Variants in PDLIM4 observed in about 807,000 individuals in gnomAD.
PDLIM4 encodes the protein PDZ and LIM domain protein 4.
In PDLIM4, 19 loss-of-function variants were observed where a neutral mutation model predicts 31.3. The observed-to-expected ratio is 0.61, with a 90% CI of 0.42 to 0.89. The LOEUF is 0.89. Among genes scored for constraint, PDLIM4 ranks in the 40% least tolerant of loss-of-function variants. The pLI is 0.00. For synonymous variants in PDLIM4, 176 were observed against 190.1 expected, an observed-to-expected ratio of 0.93 and a Z score of 0.61; for missense variants, 442 against 461.1, an observed-to-expected ratio of 0.96 and a Z score of 0.38.
At position 132,273,348 on chromosome 5, in the gene PDLIM4, A is replaced by G. The variant is rs1331754006; in HGVS notation, c.*1119A>G. The stretch of plus-strand genomic sequence containing the variant: ...AAACTGTTATCAATTCACATTCATC[A>G]TCAGCACGAGACCCATTTCCTTGTG... On this transcript the variant is annotated 3_prime_UTR_variant, in exon 7 of 7. Transcript: ENST00000253754. 7.1e-6 allele frequency: 1 copy of G among 140,756 alleles called. No individual in the cohort carries two copies. The highest frequency in any genetic ancestry group is 1.5e-5 in the Non-Finnish European group (1 of 67,306). The allele number at this position is 140,756 out of a possible 1,614,324, so 8.7% of individuals were successfully genotyped here.
intron 2 of PDLIM4, among the ~76,000 whole-genome samples, chr5:132,265,605 G>A (rs1286530474): frequency 6.6e-6 from 1 of 152,182 alleles, no homozygotes; most frequent in African/African-American, 2.4e-5. Flanking sequence ...ACTGAAGGGG[G>A]CAGAAGAGGC....
intron 1 of PDLIM4, 132 bp from the exon 2 acceptor site, chr5:132,262,477 C>G (rs1024308208): frequency 5.5e-5 from 43 of 780,954 alleles, no homozygotes; most frequent in Non-Finnish European, 8.1e-5. Flanking sequence ...AGCCACTCGG[C>G]TTGCCCATCC....
chr5:132,259,710 G>A (rs986238026), intron 1 of PDLIM4, among the ~76,000 whole-genome samples: 9 of 152,160 alleles, frequency 5.9e-5, no homozygotes, highest in Non-Finnish European at 8.8e-5. Context: ...CCTCCCCTAC[G>A]CGGGACCTGG....
Position 132,272,458 on chromosome 5 carries a change from T to G in PDLIM4, c.*229T>G. On this transcript the variant is annotated 3_prime_UTR_variant, in exon 7 of 7. Transcript: ENST00000253754. Reference sequence around the variant, plus strand: ...GTAGTGAGCAGGACGGGTACCATGCTGCCCTGAAGGGGGCCACAGCCTGGG... The same window carrying G: ...GTAGTGAGCAGGACGGGTACCATGCGGCCCTGAAGGGGGCCACAGCCTGGG... 1.8e-6 allele frequency: 1 copy of G among 569,828 alleles called. No homozygotes were observed. Among genetic ancestry groups the G allele is most frequent in the East Asian group, 3.0e-5 (1 of 33,796 alleles). 35.3% of individuals were successfully genotyped at this position (569,828 alleles called of 1,614,324 possible).
chr5:132,259,670 C>T (rs2126669848), intron 1 of PDLIM4, among the ~76,000 whole-genome samples: 1 of 152,294 alleles, frequency 6.6e-6, no homozygotes, highest in Non-Finnish European at 1.5e-5. Context: ...CAGTGGGGCT[C>T]AAGATCCAGC....
intron 5 of PDLIM4, 35 bp from the exon 6 acceptor site, chr5:132,271,756 C>T (rs765953226): frequency 7.1e-7 from 1 of 1,402,654 alleles, no homozygotes; most frequent in South Asian, 1.1e-5. Flanking sequence ...CTGACCTCCT[C>T]ACCCCGTTCA....
rs532667390 is a variant in PDLIM4 at position 132,262,298 on chromosome 5, G to A, written c.94-311G>A. 4.6e-5 allele frequency among the ~76,000 whole-genome samples: 7 copies of A among 152,302 alleles called. No individual in the cohort carries two copies. The South Asian group carries it at 1.2e-3, about 27-fold the overall frequency. ...CACCTATGTCTCCATGTGTCTCTGTGTCCCCTGCATGTCCTTGGGCACATA... is the reference window on the plus strand; with the variant it reads ...CACCTATGTCTCCATGTGTCTCTGTATCCCCTGCATGTCCTTGGGCACATA... On this transcript the variant is annotated intron_variant, in intron 1 of 6. Coordinates refer to ENST00000253754, the MANE Select transcript of PDLIM4 (RefSeq NM_003687.4).
At chr5:132,267,667 G>A (rs1756520298) in intron 3 of PDLIM4, among the ~76,000 whole-genome samples, 1 of 152,204 alleles carries the variant, frequency 6.6e-6, no homozygotes, top group Non-Finnish European at 1.5e-5. Flanking sequence ...CCAGAGGTGA[G>A]GTCTTGCACC....
chr5:132,271,920 C>T lies in PDLIM4; in HGVS notation c.788+12C>T. 1 of 1,595,140 alleles carries T rather than the reference C, an allele frequency of 6.3e-7. No homozygotes were observed. Among genetic ancestry groups the T allele is most frequent in the Non-Finnish European group, 8.6e-7 (1 of 1,165,150 alleles). On this transcript the variant is annotated intron_variant, in intron 6 of 6. Coordinates refer to ENST00000253754, the MANE Select transcript of PDLIM4 (RefSeq NM_003687.4). ...GGCCACGGCATCGTGTGAGTAACCG[C>T]CCCCGCTGCCCCTCCCGGACCCTAG... is the stretch of plus-strand genomic sequence containing the variant.
intron 3 of PDLIM4, chr5:132,270,376 G>A (rs1353260976): frequency 6.5e-6 from 1 of 153,706 alleles, no homozygotes; most frequent in Non-Finnish European, 1.4e-5. Flanking sequence ...GCACTCTTGA[G>A]CCTCAGCCTG....
intron 2 of PDLIM4, among the ~76,000 whole-genome samples, chr5:132,263,699 T>C (rs1756426822): frequency 6.6e-6 from 1 of 152,210 alleles, no homozygotes; most frequent in Admixed American, 6.5e-5. Context: ...CCTGTGGAAG[T>C]ACGTGGGCAA....
In PDLIM4 at chr5:132,271,776, C is replaced by T. The variant is rs1446011940; in HGVS notation, c.671-15C>T. 2.6e-6 allele frequency: 4 copies of T among 1,560,120 alleles called. No homozygotes were observed. The highest frequency in any genetic ancestry group is 2.2e-5 in the East Asian group (1 of 44,592). On this transcript the variant is annotated splice_polypyrimidine_tract_variant and intron_variant, in intron 5 of 6. Transcript: ENST00000253754. ...CTCCTCACCCCGTTCATGCCACCTA[C>T]GCTCCGGGTTTCAGGGGATTGGCCC... is the stretch of plus-strand genomic sequence containing the variant.
rs751664249 is a variant in PDLIM4, at chr5:132,271,321, C to A, written c.525C>A (p.Gly175=). ...SPPPSADPAR[G]LPRSRDCRVD... The stretch of plus-strand genomic sequence containing the variant: ...CTCCCAGCGCTGACCCAGCCAGAGG[C>A]CTCCCGCGGAGCCGGGACTGCAGAG... The change falls in exon 5 of 7, where the codon GGC becomes GGA. Residue 175 remains glycine, a synonymous_variant. Transcript: ENST00000253754. The A allele has an allele frequency of 1.9e-6, 3 of 1,596,536 alleles. No homozygotes were observed. Among genetic ancestry groups the A allele is most frequent in the Non-Finnish European group, 2.6e-6 (3 of 1,172,912 alleles).
At chr5:132,259,726 A>C (rs1756332899) in intron 1 of PDLIM4, among the ~76,000 whole-genome samples, 1 of 152,066 alleles carries the variant, frequency 6.6e-6, no homozygotes, top group African/African-American at 2.4e-5. Flanking sequence ...CCTGGTAGGG[A>C]GGGACAGCCT....
chr5:132,259,587 A>G (rs140407000), intron 1 of PDLIM4, among the ~76,000 whole-genome samples: 24 of 152,314 alleles, frequency 1.6e-4, no homozygotes, highest in African/African-American at 5.8e-4. Context: ...GGGGAGGCAC[A>G]GGCCACAGCT....
rs930143541 is a variant in PDLIM4, at chr5:132,272,248, C to G, written c.*19C>G. 8.1e-6 allele frequency: 13 copies of G among 1,597,078 alleles called. No individual in the cohort carries two copies. Among genetic ancestry groups the G allele is most frequent in the Non-Finnish European group, 1.1e-5 (13 of 1,164,834 alleles). ...CGTCTGAGCTGGGACCCTGCTCCCA[C>G]GCCTGCTTCTTAAGGTCCCTGCTCG... On this transcript the variant is annotated 3_prime_UTR_variant, in exon 7 of 7. Coordinates refer to ENST00000253754, the MANE Select transcript of PDLIM4 (RefSeq NM_003687.4).
chr5:132,271,537 C>T (rs1756615792), intron 5 of PDLIM4, 71 bp downstream of exon 5: 3 of 1,491,212 alleles, frequency 2.0e-6, no homozygotes, highest in Admixed American at 1.7e-5. Flanking sequence ...CCCTAGCGAC[C>T]CCACGTCCCG....
chr5:132,271,600 C>A (rs776819109), intron 5 of PDLIM4, 134 bp downstream of exon 5: 2 of 1,071,110 alleles, frequency 1.9e-6, no homozygotes, highest in Non-Finnish European at 2.8e-6. Context: ...CACGCCCTTG[C>A]TACAACCTTG....
chr5:132,267,483 G>A (rs1465676848), intron 3 of PDLIM4, among the ~76,000 whole-genome samples: 1 of 152,210 alleles, frequency 6.6e-6, no homozygotes, highest in African/African-American at 2.4e-5. Flanking sequence ...GCAGGGGAAA[G>A]GCACTTAGAA....
Sources: gnomAD v4.1 joint callset for allele counts (sites outside exome capture counted in the v4.1 genomes callset) on GRCh38, gnomAD v4.1.1 for gene constraint, MANE v1.5 for transcripts, NCBI Gene and HGNC (gene_info 2026-07-23, HGNC 2026-07-21) for gene names.